Variants in DLGAP2 observed in about 807,000 individuals in gnomAD.
DLGAP2 encodes disks large-associated protein 2.
A neutral mutation model predicts 100.3 loss-of-function variants in DLGAP2; 26 were observed. The ratio of observed to expected loss-of-function variants is 0.26; its 90% CI spans 0.19 to 0.36. DLGAP2 has a LOEUF of 0.36. DLGAP2 is among the 10% of genes least tolerant of loss of function. The pLI, the probability that DLGAP2 is intolerant of heterozygous loss-of-function variation, is 1.00. For synonymous variants in DLGAP2, 886 were observed against 630.1 expected, an observed-to-expected ratio of 1.41 and a Z score of -6.08; for missense variants, 1,858 against 1,453.2, an observed-to-expected ratio of 1.28 and a Z score of -4.53.
intron 3 of DLGAP2, among the ~76,000 whole-genome samples, chr8:1,372,270 C>T (rs901362468): frequency 2.6e-5 from 4 of 152,054 alleles, no homozygotes; most frequent in Admixed American, 6.5e-5. Flanking sequence ...GTGCTGCCAA[C>T]GCTGGGACGC....
rs1240524985 is a variant in DLGAP2 at position 883,680 on chromosome 8, G to A, written c.19-24232G>A. Reference sequence around the variant, plus strand: ...CGTTACGTAGGTGCGCGTGTGCCGCGGCGGTTCGTTACGTAGGTGCGCGTG... The same window carrying A: ...CGTTACGTAGGTGCGCGTGTGCCGCAGCGGTTCGTTACGTAGGTGCGCGTG... On this transcript the variant is annotated intron_variant, in intron 1 of 14. Coordinates refer to ENST00000637795, the MANE Select transcript of DLGAP2 (RefSeq NM_001346810.2). Among the ~76,000 whole-genome samples, 3 of 152,132 alleles carry A rather than the reference G, an allele frequency of 2.0e-5. No individual in the cohort carries two copies. In the East Asian group the frequency reaches 5.8e-4, roughly 30 times the overall value.
rs576200731 is a variant in DLGAP2, at chr8:1,586,446, G to A, written c.1442+20552G>A. On this transcript the variant is annotated intron_variant, in intron 6 of 14. Coordinates refer to ENST00000637795, the MANE Select transcript of DLGAP2 (RefSeq NM_001346810.2). ...ACCCCTCCTGTCTCACGTCCACATC[G>A]ATCTCCGACTTGCTCTGCCTTCCTC... Among the ~76,000 whole-genome samples the A allele has an allele frequency of 7.9e-5, 12 of 152,190 alleles. No individual in the cohort carries two copies. In the South Asian group the frequency reaches 1.2e-3, roughly 16 times the overall value.
chr8:947,314 C>G (rs369130079), intron 2 of DLGAP2, among the ~76,000 whole-genome samples: 2 of 152,136 alleles, frequency 1.3e-5, no homozygotes, highest in Non-Finnish European at 2.9e-5. Context: ...GCCCTGGGGA[C>G]GGGGGCAGGG....
chr8:752,110 C>G (rs1047137795), intron 1 of DLGAP2, among the ~76,000 whole-genome samples: 1 of 152,228 alleles, frequency 6.6e-6, no homozygotes, highest in Non-Finnish European at 1.5e-5. Context: ...TCACTTGCCG[C>G]TTCGAGGTGA....
chr8:929,046 C>T (rs1289979411), intron 2 of DLGAP2, among the ~76,000 whole-genome samples: 1 of 128,124 alleles, frequency 7.8e-6, no homozygotes, highest in African/African-American at 3.0e-5. Flanking sequence ...CTGCCATTCC[C>T]CCTGTAAACA....
chr8:1,365,491 T>A (rs1445084118), intron 3 of DLGAP2, among the ~76,000 whole-genome samples: 1 of 152,170 alleles, frequency 6.6e-6, no homozygotes, highest in African/African-American at 2.4e-5. Flanking sequence ...CTGCAGTTAC[T>A]GAGCAGGTGC....
intron 3 of DLGAP2, among the ~76,000 whole-genome samples, chr8:1,492,335 T>C (rs1321934755): frequency 6.6e-6 from 1 of 152,190 alleles, no homozygotes; most frequent in African/African-American, 2.4e-5. Flanking sequence ...ATCCCTAATT[T>C]AAACAGCCTT....
chr8:1,275,234 C>T (rs904188572), intron 3 of DLGAP2, among the ~76,000 whole-genome samples: 22 of 152,070 alleles, frequency 1.4e-4, no homozygotes, highest in African/African-American at 5.1e-4. Flanking sequence ...TTTACGGTCA[C>T]ATGGTCCAGA....
At chr8:1,176,772 C>T (rs898918339) in intron 2 of DLGAP2, among the ~76,000 whole-genome samples, 3 of 152,106 alleles carry the variant, frequency 2.0e-5, no homozygotes, top group African/African-American at 7.2e-5. Context: ...TCACTGGGTC[C>T]CTGTGGAAAG....
At chr8:1,272,978 G>T (rs1799613102) in intron 3 of DLGAP2, among the ~76,000 whole-genome samples, 1 of 152,170 alleles carries the variant, frequency 6.6e-6, no homozygotes, top group Non-Finnish European at 1.5e-5. Flanking sequence ...GGAATGTTCG[G>T]AGTGTGCTGA....
chr8:973,376 G>A (rs1471393599), intron 2 of DLGAP2, among the ~76,000 whole-genome samples: 6 of 151,660 alleles, frequency 4.0e-5, no homozygotes, highest in African/African-American at 1.5e-4. Context: ...GCCGGGCGGA[G>A]GGGCTCCTCA....
intron 2 of DLGAP2, among the ~76,000 whole-genome samples, chr8:1,068,752 G>T (rs762850447): frequency 6.6e-6 from 1 of 152,182 alleles, no homozygotes; most frequent in Non-Finnish European, 1.5e-5. Flanking sequence ...TCCGGGATAT[G>T]CCTGGGGTCA....
intron 6 of DLGAP2, among the ~76,000 whole-genome samples, chr8:1,620,201 T>C (rs1797285949): frequency 1.3e-5 from 2 of 152,138 alleles, no homozygotes; most frequent in Non-Finnish European, 2.9e-5. Flanking sequence ...CTGTCCTTTT[T>C]AAAAATGACC....
chr8:1,613,665 G>A (rs1344268634), intron 6 of DLGAP2, among the ~76,000 whole-genome samples: 1 of 152,148 alleles, frequency 6.6e-6, no homozygotes, highest in East Asian at 1.9e-4. Flanking sequence ...TTTGATAGAT[G>A]AGTAACTCAT....
intron 3 of DLGAP2, among the ~76,000 whole-genome samples, chr8:1,337,919 T>G (rs1328219155): frequency 1.3e-5 from 2 of 152,150 alleles, no homozygotes; most frequent in Non-Finnish European, 2.9e-5. Flanking sequence ...CTGCAAATGT[T>G]CCACTAAGTA....
intron 3 of DLGAP2, among the ~76,000 whole-genome samples, chr8:1,407,379 C>T (rs539039635): frequency 5.6e-5 from 6 of 107,718 alleles, no homozygotes; most frequent in Non-Finnish European, 1.2e-4. Context: ...CCTCCTTGTC[C>T]TCCGGAGTCC....
At chr8:1,436,823 C>T (rs1413546194) in intron 3 of DLGAP2, among the ~76,000 whole-genome samples, 2 of 152,168 alleles carry the variant, frequency 1.3e-5, no homozygotes, top group Admixed American at 6.5e-5. Flanking sequence ...GTGTCCTCTG[C>T]AGACGTACCA....
chr8:795,460 AC>A (rs1440047307), intron 1 of DLGAP2, among the ~76,000 whole-genome samples: 1 of 152,162 alleles, frequency 6.6e-6, no homozygotes, highest in Non-Finnish European at 1.5e-5. Flanking sequence ...CAGTGAAATC[AC>A]CCACAAAAAG....
chr8:1,342,674 C>G (rs1438387199), intron 3 of DLGAP2, among the ~76,000 whole-genome samples: 1 of 152,168 alleles, frequency 6.6e-6, no homozygotes, highest in Non-Finnish European at 1.5e-5. Context: ...TATTTCTCAT[C>G]CCTAACTTTA....
Sources: gnomAD v4.1 joint callset for allele counts (sites outside exome capture counted in the v4.1 genomes callset) on GRCh38, gnomAD v4.1.1 for gene constraint, MANE v1.5 for transcripts, NCBI Gene and HGNC (gene_info 2026-07-23, HGNC 2026-07-21) for gene names.